DPYD: variants seen among roughly 807,000 people sequenced by gnomAD.
DPYD encodes dihydropyrimidine dehydrogenase.
In DPYD, 109 loss-of-function variants were observed where a neutral mutation model predicts 116.2. That is an observed-to-expected ratio of 0.94 (90% CI 0.80 to 1.10). DPYD has a LOEUF of 1.10. DPYD is among the 50% of genes least tolerant of loss of function. The probability of loss-of-function intolerance (pLI) is 0.00; values close to 1 mark genes in which losing one functional copy is unlikely to be tolerated. For synonymous variants in DPYD, 440 were observed against 432.0 expected (o/e 1.02, Z -0.23); for missense variants, 1,302 against 1,254.5 (o/e 1.04, Z -0.57).
chr1:97,297,072 T>A (rs1020635747), intron 18 of DPYD, among the ~76,000 whole-genome samples: 44 of 152,338 alleles, frequency 2.9e-4, no homozygotes, highest in African/African-American at 1.1e-3. Context: ...TATAACGTTT[T>A]AATTGTAGGG....
chr1:97,793,916 G>GTGTT (rs200957866), intron 3 of DPYD, among the ~76,000 whole-genome samples: 26 of 152,158 alleles, frequency 1.7e-4, no homozygotes, highest in East Asian at 9.6e-4. Flanking sequence ...CCTGGTTGTT[G>GTGTT]TGTTTGTTTG....
chr1:97,668,029 T>C (rs1659657626), intron 8 of DPYD, among the ~76,000 whole-genome samples: 2 of 152,060 alleles, frequency 1.3e-5, no homozygotes, highest in Admixed American at 1.3e-4. Flanking sequence ...ATTTGTTGCT[T>C]AATAGGTATA....
intron 3 of DPYD, among the ~76,000 whole-genome samples, chr1:97,768,593 T>C (rs1272429298): frequency 1.3e-5 from 2 of 152,180 alleles, no homozygotes; most frequent in Non-Finnish European, 2.9e-5. Flanking sequence ...GTAATTTAGA[T>C]AGGTGAACAG....
rs1403623320 is a variant in DPYD at position 97,691,608 on chromosome 1, G to T, written c.762+109C>A. The T allele has an allele frequency of 6.2e-6, 6 of 960,732 alleles. No homozygotes were observed. In the East Asian group the frequency reaches 1.5e-4, roughly 24 times the overall value. The allele number at this position is 960,732 out of a possible 1,614,324, so 59.5% of individuals were successfully genotyped here. On this transcript the variant is annotated intron_variant, in intron 7 of 22. Transcript: ENST00000370192. ...CATCTTTCTGCTTCTGCCTGATGTA[G>T]CTTTTAATTGTTCTTTCCTAAAATG...
intron 5 of DPYD, among the ~76,000 whole-genome samples, chr1:97,713,570 A>G (rs2101007208): frequency 6.6e-6 from 1 of 152,272 alleles, no homozygotes; most frequent in East Asian, 1.9e-4. Context: ...AGAATGTCAG[A>G]TATTTAGTGA....
chr1:97,893,496 T>C (rs1280881794), intron 1 of DPYD, among the ~76,000 whole-genome samples: 11 of 142,188 alleles, frequency 7.7e-5, no homozygotes, highest in South Asian at 2.2e-4. Context: ...TCCATAGAAC[T>C]GTATATAACT....
At chr1:97,784,061 A>G (rs1666893423) in intron 3 of DPYD, among the ~76,000 whole-genome samples, 1 of 152,186 alleles carries the variant, frequency 6.6e-6, no homozygotes. Flanking sequence ...TAGAAGTAAT[A>G]GGTTATAAGA....
chr1:97,457,099 A>G (rs1676730435), intron 13 of DPYD, among the ~76,000 whole-genome samples: 1 of 152,136 alleles, frequency 6.6e-6, no homozygotes, highest in African/African-American at 2.4e-5. Flanking sequence ...CAGGGAAGAC[A>G]GTGGAAGAAG....
At chr1:97,723,159 G>T (rs1490249779) in intron 4 of DPYD, among the ~76,000 whole-genome samples, 1 of 151,554 alleles carries the variant, frequency 6.6e-6, no homozygotes, top group Non-Finnish European at 1.5e-5. Flanking sequence ...ATTCGTGGTG[G>T]TTTAACAGTA....
intron 18 of DPYD, among the ~76,000 whole-genome samples, chr1:97,258,856 TAAACAC>T (rs1363058718): frequency 6.6e-6 from 1 of 152,152 alleles, no homozygotes; most frequent in Non-Finnish European, 1.5e-5. Context: ...GAATTGTCTA[TAAACAC>T]AAGGGCTTGG....
intron 2 of DPYD, among the ~76,000 whole-genome samples, chr1:97,873,023 G>A (rs962360357): frequency 3.3e-5 from 5 of 151,728 alleles, no homozygotes; most frequent in Middle Eastern, 3.4e-3. Flanking sequence ...TGGTTCCTCA[G>A]GGAGGCCAAC....
chr1:97,086,826 G>A (rs1182736241), intron 21 of DPYD, among the ~76,000 whole-genome samples: 2 of 152,146 alleles, frequency 1.3e-5, no homozygotes, highest in East Asian at 3.8e-4. Flanking sequence ...CTGCAAATAA[G>A]TATCCTTCAA....
At chr1:97,383,593 C>T (rs1052844910) in intron 14 of DPYD, among the ~76,000 whole-genome samples, 1 of 152,008 alleles carries the variant, frequency 6.6e-6, no homozygotes, top group Non-Finnish European at 1.5e-5. Flanking sequence ...ACTTTATTAA[C>T]TTATTTAATC....
At chr1:97,657,842 C>T (rs943094904) in intron 8 of DPYD, among the ~76,000 whole-genome samples, 8 of 152,088 alleles carry the variant, frequency 5.3e-5, no homozygotes, top group African/African-American at 1.7e-4. Context: ...TGAAATTCTT[C>T]TCAGAGACCA....
At chr1:97,767,007 C>G (rs1365435671) in intron 3 of DPYD, among the ~76,000 whole-genome samples, 1 of 152,132 alleles carries the variant, frequency 6.6e-6, no homozygotes, top group African/African-American at 2.4e-5. Flanking sequence ...GGAGCAAAGG[C>G]AGGATTTAAG....
At chr1:97,812,743 A>T (rs773124550) in intron 3 of DPYD, among the ~76,000 whole-genome samples, 6 of 152,148 alleles carry the variant, frequency 3.9e-5, no homozygotes, top group Non-Finnish European at 8.8e-5. Flanking sequence ...ACAGGCATAC[A>T]ATGATTCAGG....
intron 16 of DPYD, among the ~76,000 whole-genome samples, chr1:97,357,976 G>A (rs184785455): frequency 1.3e-5 from 2 of 152,294 alleles, no homozygotes; most frequent in Admixed American, 6.5e-5. Context: ...GCCCACTGAG[G>A]ATGAGCTGAA....
chr1:97,328,658 G>A (rs1668829157), intron 16 of DPYD, among the ~76,000 whole-genome samples: 1 of 152,062 alleles, frequency 6.6e-6, no homozygotes, highest in South Asian at 2.1e-4. Context: ...TATCAATAGT[G>A]TTATAGGTAT....
At chr1:97,465,422 G>T (rs956785240) in intron 13 of DPYD, among the ~76,000 whole-genome samples, 1 of 152,160 alleles carries the variant, frequency 6.6e-6, no homozygotes, top group African/African-American at 2.4e-5. Flanking sequence ...GGGCTGGAAT[G>T]ATATGGTTTG....
Sources: allele counts gnomAD v4.1 joint callset (sites outside exome capture counted in the v4.1 genomes callset), GRCh38; gene constraint gnomAD v4.1.1; transcripts MANE v1.5; gene names NCBI Gene and HGNC (gene_info 2026-07-23, HGNC 2026-07-21).